Variants in CACNG3 observed in about 807,000 individuals in gnomAD.
CACNG3 encodes calcium voltage-gated channel auxiliary subunit gamma 3, also known as voltage-dependent calcium channel gamma-3 subunit.
In CACNG3, 3 loss-of-function variants were observed where a neutral mutation model predicts 28.5. The ratio of observed to expected loss-of-function variants is 0.11; its 90% CI spans 0.05 to 0.27. The LOEUF is 0.27. Ranked by LOEUF, CACNG3 falls within the 10% of genes least tolerant of loss-of-function variation. The pLI is 1.00. For missense variants in CACNG3, 236 were observed against 414.4 expected (o/e 0.57, Z 3.74); for synonymous variants, 174 against 162.2 (o/e 1.07, Z -0.55).
intron 2 of CACNG3, among the ~76,000 whole-genome samples, chr16:24,350,775 C>T (rs1454852655): frequency 6.6e-6 from 1 of 152,170 alleles, no homozygotes; most frequent in African/African-American, 2.4e-5. Flanking sequence ...ATATACAATG[C>T]AAATGATCCC....
At chr16:24,314,185 C>T (rs1899314635) in intron 1 of CACNG3, among the ~76,000 whole-genome samples, 1 of 152,174 alleles carries the variant, frequency 6.6e-6, no homozygotes, top group Non-Finnish European at 1.5e-5. Flanking sequence ...TACTGGTGTG[C>T]TGAGCAGGAC....
At chr16:24,287,132 A>T (rs960694577) in intron 1 of CACNG3, among the ~76,000 whole-genome samples, 1 of 152,218 alleles carries the variant, frequency 6.6e-6, no homozygotes, top group African/African-American at 2.4e-5. Flanking sequence ...TGCTTTCTCA[A>T]AACAAACTGA....
intron 1 of CACNG3, among the ~76,000 whole-genome samples, chr16:24,343,916 C>T (rs1899822655): frequency 6.6e-6 from 1 of 151,998 alleles, no homozygotes; most frequent in Admixed American, 6.6e-5. Context: ...AGTGAAACCC[C>T]GTCTCTACTA....
At chr16:24,357,338 C>T (rs922817965) in intron 3 of CACNG3, among the ~76,000 whole-genome samples, 1 of 151,866 alleles carries the variant, frequency 6.6e-6, no homozygotes, top group Non-Finnish European at 1.5e-5. Context: ...CTCCACCTGG[C>T]TCCACCCTTT....
chr16:24,276,539 C>A (rs1898755466), intron 1 of CACNG3, among the ~76,000 whole-genome samples: 1 of 152,162 alleles, frequency 6.6e-6, no homozygotes, highest in African/African-American at 2.4e-5. Flanking sequence ...CAGAAGATTT[C>A]CTTCTAGTTC....
At chr16:24,343,200 A>AAAG (rs1555461937) in intron 1 of CACNG3, among the ~76,000 whole-genome samples, 1 of 152,022 alleles carries the variant, frequency 6.6e-6, no homozygotes, top group Non-Finnish European at 1.5e-5. Context: ...AAAAACAAAC[A>AAAG]AACAACAACA....
intron 2 of CACNG3, among the ~76,000 whole-genome samples, chr16:24,348,163 C>T (rs921736401): frequency 6.6e-6 from 1 of 151,936 alleles, no homozygotes; most frequent in Non-Finnish European, 1.5e-5. Flanking sequence ...TTTAGGAGGC[C>T]AAGGTGGGAG....
At chr16:24,259,122 T>C (rs1596618171) in intron 1 of CACNG3, among the ~76,000 whole-genome samples, 2 of 152,260 alleles carry the variant, frequency 1.3e-5, no homozygotes, top group African/African-American at 2.4e-5. Flanking sequence ...GTGAATTCTA[T>C]TGAGAAAATG....
chr16:24,352,530 G>GTTGT (rs60365846), intron 2 of CACNG3, among the ~76,000 whole-genome samples: 35 of 150,810 alleles, frequency 2.3e-4, no homozygotes, highest in African/African-American at 6.1e-4. Context: ...TTTTGTTGTT[G>GTTGT]TTGTTTGTTT....
intron 2 of CACNG3, among the ~76,000 whole-genome samples, chr16:24,351,052 G>A (rs1252620036): frequency 6.6e-6 from 1 of 152,190 alleles, no homozygotes; most frequent in Non-Finnish European, 1.5e-5. Flanking sequence ...TCTGTCTCCT[G>A]AAAGCCTGCA....
At chr16:24,314,067 T>C (rs1269045497) in intron 1 of CACNG3, among the ~76,000 whole-genome samples, 1 of 152,140 alleles carries the variant, frequency 6.6e-6, no homozygotes, top group Non-Finnish European at 1.5e-5. Flanking sequence ...AACGTTTACT[T>C]TTCTACACCC....
intron 1 of CACNG3, among the ~76,000 whole-genome samples, chr16:24,268,005 T>G (rs1175413071): frequency 6.6e-6 from 1 of 152,172 alleles, no homozygotes; most frequent in Non-Finnish European, 1.5e-5. Flanking sequence ...ATTTATTCAT[T>G]TATTTAACAG....
chr16:24,345,782 C>G (rs1166439142), intron 1 of CACNG3, among the ~76,000 whole-genome samples: 1 of 152,084 alleles, frequency 6.6e-6, no homozygotes, highest in Non-Finnish European at 1.5e-5. Context: ...AAGGGGTGAA[C>G]CTCATAGCGA....
intron 2 of CACNG3, among the ~76,000 whole-genome samples, chr16:24,353,386 A>T (rs990610603): frequency 6.6e-6 from 1 of 152,206 alleles, no homozygotes; most frequent in African/African-American, 2.4e-5. Flanking sequence ...GCTCCTTGGT[A>T]AACCAATGAG....
chr16:24,289,524 G>A (rs1898938392), intron 1 of CACNG3, among the ~76,000 whole-genome samples: 1 of 152,164 alleles, frequency 6.6e-6, no homozygotes. Context: ...GCATTTCAGA[G>A]GGTTTTGATG....
intron 1 of CACNG3, among the ~76,000 whole-genome samples, chr16:24,276,472 T>C (rs1005414661): frequency 5.9e-5 from 9 of 152,260 alleles, no homozygotes; most frequent in African/African-American, 2.2e-4. Flanking sequence ...TTAATTCTGT[T>C]GACTAACTTC....
rs1387561966 is a variant in CACNG3, at chr16:24,257,380, A to G, written c.211+415A>G. ...AAGAAGTGAGGGGGGAGAGAGAGAG[A>G]GAGAGAGAGAGAGAGAGAGAGAGAG... On this transcript the variant is annotated intron_variant, in intron 1 of 3. Coordinates refer to ENST00000005284, the MANE Select transcript of CACNG3 (RefSeq NM_006539.4). Among the ~76,000 whole-genome samples the G allele has an allele frequency of 3.0e-3, 168 of 55,530 alleles. 5 individuals are homozygous for G. Among genetic ancestry groups the G allele is most frequent in the South Asian group, 0.01 (16 of 1,580 alleles). The allele number at this position is 55,530 out of a possible 152,430, so 36.4% of individuals were successfully genotyped here. A position where few individuals can be genotyped will look rare whatever the true frequency, so the allele number is the denominator to read the frequency against.
intron 1 of CACNG3, among the ~76,000 whole-genome samples, chr16:24,298,166 A>T (rs1399033436): frequency 1.3e-5 from 2 of 152,114 alleles, no homozygotes; most frequent in Non-Finnish European, 2.9e-5. Flanking sequence ...GTATATTTAC[A>T]TTTTCTACTG....
At chr16:24,298,866 G>C (rs544048329) in intron 1 of CACNG3, among the ~76,000 whole-genome samples, 61 of 152,288 alleles carry the variant, frequency 4.0e-4, no homozygotes, top group Non-Finnish European at 8.1e-4. Context: ...GCCTTGGGCT[G>C]TTTTGCTCAT....
Sources: allele counts gnomAD v4.1 joint callset (sites outside exome capture counted in the v4.1 genomes callset), GRCh38; gene constraint gnomAD v4.1.1; transcripts MANE v1.5; gene names NCBI Gene and HGNC (gene_info 2026-07-23, HGNC 2026-07-21).